EYA4: variants seen among roughly 807,000 people sequenced by gnomAD.
The protein encoded by EYA4 is EYA transcriptional coactivator and phosphatase 4.
In EYA4, 31 loss-of-function variants were observed where a neutral mutation model predicts 87.9. The observed-to-expected ratio is 0.35, with a 90% CI of 0.27 to 0.48. The LOEUF (loss-of-function observed/expected upper bound fraction) is 0.48, where lower values mean the gene tolerates loss of function less well. EYA4 is among the 20% of genes least tolerant of loss of function. The probability of loss-of-function intolerance (pLI) is 0.99; values close to 1 mark genes in which losing one functional copy is unlikely to be tolerated. For missense variants in EYA4, 678 were observed against 761.4 expected, an observed-to-expected ratio of 0.89 and a Z score of 1.29; for synonymous variants, 263 against 270.6, an observed-to-expected ratio of 0.97 and a Z score of 0.28.
chr6:133,382,806 A>C (rs955540166), intron 3 of EYA4, among the ~76,000 whole-genome samples: 14 of 151,970 alleles, frequency 9.2e-5, no homozygotes, highest in African/African-American at 3.4e-4. Flanking sequence ...AAAAAAAAAA[A>C]AAAACTATGA....
intron 13 of EYA4, among the ~76,000 whole-genome samples, chr6:133,488,821 C>T (rs983350665): frequency 5.3e-5 from 8 of 152,140 alleles, no homozygotes; most frequent in Non-Finnish European, 8.8e-5. Context: ...CAGACAGCAG[C>T]GACTCCAGTA....
intron 13 of EYA4, among the ~76,000 whole-genome samples, chr6:133,485,778 A>T (rs1323811920): frequency 6.6e-6 from 1 of 152,208 alleles, no homozygotes; most frequent in South Asian, 2.1e-4. Flanking sequence ...AATATGGCAG[A>T]CAGTAATCAG....
At chr6:133,246,829 G>T (rs1405182955) in intron 1 of EYA4, 2 of 152,014 alleles carry the variant, frequency 1.3e-5, no homozygotes, top group African/African-American at 2.4e-5. Context: ...TAACTATGCC[G>T]TAAATTAGGT....
At chr6:133,305,801 G>T (rs1318763950) in intron 2 of EYA4, among the ~76,000 whole-genome samples, 3 of 152,124 alleles carry the variant, frequency 2.0e-5, no homozygotes, top group Non-Finnish European at 2.9e-5. Flanking sequence ...TTGGTAACTG[G>T]AAACCAGGTC....
At chr6:133,244,258 A>C (rs1774223195) in intron 1 of EYA4, among the ~76,000 whole-genome samples, 2 of 152,200 alleles carry the variant, frequency 1.3e-5, no homozygotes, top group African/African-American at 2.4e-5. Context: ...TCACAATTAT[A>C]ACTAAAATAA....
At chr6:133,410,279 T>C (rs533347216) in intron 3 of EYA4, among the ~76,000 whole-genome samples, 1 of 152,252 alleles carries the variant, frequency 6.6e-6, no homozygotes, top group East Asian at 1.9e-4. Flanking sequence ...ATGAGTAAAA[T>C]GTTCGTGTAA....
intron 2 of EYA4, among the ~76,000 whole-genome samples, chr6:133,335,593 T>C (rs1782304444): frequency 6.6e-6 from 1 of 152,172 alleles, no homozygotes; most frequent in Non-Finnish European, 1.5e-5. Context: ...AGTAGTTAAA[T>C]GGTTTCTCTG....
At position 133,382,309 on chromosome 6, in the gene EYA4, G is replaced by C. The variant is rs1197753127; in HGVS notation, c.34-83G>C. The C allele has an allele frequency of 4.2e-6, 4 of 943,688 alleles. No homozygotes were observed. In the African/African-American group the frequency reaches 6.5e-5, roughly 15 times the overall value. The allele number at this position is 943,688 out of a possible 1,614,324, so 58.5% of individuals were successfully genotyped here. A position where few individuals can be genotyped will look rare whatever the true frequency, so the allele number is the denominator to read the frequency against. On this transcript the variant is annotated intron_variant, in intron 2 of 19. Transcript: ENST00000355286. ...TTTTATAGAGAACTTGGTGAACAGAGCTATATCCGCTTTAATAGTGTGTGA... is the reference window on the plus strand; with the variant it reads ...TTTTATAGAGAACTTGGTGAACAGACCTATATCCGCTTTAATAGTGTGTGA...
At chr6:133,255,146 A>G (rs1208720068) in intron 1 of EYA4, among the ~76,000 whole-genome samples, 1 of 152,228 alleles carries the variant, frequency 6.6e-6, no homozygotes, top group Non-Finnish European at 1.5e-5. Context: ...CTGGCCCACT[A>G]TAAAAGCTCA....
At chr6:133,427,188 G>A (rs2128575350) in intron 3 of EYA4, among the ~76,000 whole-genome samples, 1 of 152,284 alleles carries the variant, frequency 6.6e-6, no homozygotes, top group Non-Finnish European at 1.5e-5. Flanking sequence ...GAACAAATTT[G>A]AATTTCTGAA....
At chr6:133,251,219 G>A (rs1484433886) in intron 1 of EYA4, among the ~76,000 whole-genome samples, 1 of 152,106 alleles carries the variant, frequency 6.6e-6, no homozygotes, top group Non-Finnish European at 1.5e-5. Context: ...TATAATGGTA[G>A]TACTTTATAG....
intron 2 of EYA4, among the ~76,000 whole-genome samples, chr6:133,361,100 C>A (rs955947962): frequency 6.6e-6 from 1 of 152,192 alleles, no homozygotes; most frequent in Non-Finnish European, 1.5e-5. Flanking sequence ...GCCTACTTAT[C>A]ACAATGGGTG....
chr6:133,262,726 A>G (rs1233498484), intron 1 of EYA4, among the ~76,000 whole-genome samples: 3 of 152,190 alleles, frequency 2.0e-5, no homozygotes, highest in African/African-American at 7.2e-5. Flanking sequence ...AGAAGTATGA[A>G]CCCCATTATC....
intron 13 of EYA4, among the ~76,000 whole-genome samples, chr6:133,491,873 A>G (rs1240361544): frequency 6.7e-6 from 1 of 148,444 alleles, no homozygotes. Flanking sequence ...AAGGGCGTGA[A>G]CCTGGGTGGC....
chr6:133,264,614 A>G (rs1453839816), intron 1 of EYA4, among the ~76,000 whole-genome samples: 1 of 152,198 alleles, frequency 6.6e-6, no homozygotes, highest in Non-Finnish European at 1.5e-5. Context: ...GCAAATGGGC[A>G]GGGAGTCAGT....
chr6:133,511,945 C>T (rs1027561208), intron 14 of EYA4, among the ~76,000 whole-genome samples: 4 of 151,042 alleles, frequency 2.6e-5, no homozygotes, highest in African/African-American at 9.8e-5. Context: ...CGCGCCACTG[C>T]ACTCCAACCT....
intron 1 of EYA4, among the ~76,000 whole-genome samples, chr6:133,267,045 A>G (rs1252684902): frequency 6.6e-5 from 10 of 152,202 alleles, no homozygotes; most frequent in Non-Finnish European, 1.3e-4. Flanking sequence ...TTTAATCTGT[A>G]GAAGAAGTGA....
intron 2 of EYA4, among the ~76,000 whole-genome samples, chr6:133,380,571 G>A (rs976595088): frequency 2.0e-5 from 3 of 152,144 alleles, no homozygotes; most frequent in Admixed American, 2.0e-4. Flanking sequence ...ATGGTCTTGA[G>A]GAAAGTGACA....
At chr6:133,251,245 C>T (rs1774875091) in intron 1 of EYA4, among the ~76,000 whole-genome samples, 1 of 152,098 alleles carries the variant, frequency 6.6e-6, no homozygotes, top group African/African-American at 2.4e-5. Flanking sequence ...ATTTAAGTTT[C>T]CTCAGTTGCT....
Sources: gnomAD v4.1 joint callset for allele counts (sites outside exome capture counted in the v4.1 genomes callset) on GRCh38, gnomAD v4.1.1 for gene constraint, MANE v1.5 for transcripts, NCBI Gene and HGNC (gene_info 2026-07-23, HGNC 2026-07-21) for gene names.